The following DYNC2H1 variants were observed in gnomAD, a reference collection of about 807,000 sequenced individuals.
The protein encoded by DYNC2H1 is dynein cytoplasmic 2 heavy chain 1.
In DYNC2H1, 410 loss-of-function variants were observed where a neutral mutation model predicts 570.0. That is an observed-to-expected ratio of 0.72 (90% confidence interval 0.66 to 0.78). The LOEUF is 0.78. Ranked by LOEUF, DYNC2H1 falls within the 30% of genes least tolerant of loss-of-function variation. The probability of loss-of-function intolerance (pLI) is 0.00; values close to 1 mark genes in which losing one functional copy is unlikely to be tolerated. For synonymous variants in DYNC2H1, 1,688 were observed against 1,677.6 expected (o/e 1.01, Z -0.15); for missense variants, 4,865 against 5,046.4 (o/e 0.96, Z 1.09).
rs1475928801 is a variant in DYNC2H1, at chr11:103,201,077, T to G, written c.8197+923T>G. Among the ~76,000 whole-genome samples the G allele has an allele frequency of 2.6e-5, 4 of 152,176 alleles. No individual in the cohort carries two copies. The highest frequency in any genetic ancestry group is 9.6e-5 in the African/African-American group (4 of 41,452). On this transcript the variant is annotated intron_variant, in intron 50 of 88. Transcript: ENST00000375735. The surrounding 1 kb of genome is among the most constrained non-coding windows in gnomAD (Gnocchi z 4.8). Reference sequence around the variant, plus strand: ...CCTGACTTCAGGTGATCCTCCCGCCTTGGCCTCCCAAAGTGCTGGGATTAC... The same window carrying G: ...CCTGACTTCAGGTGATCCTCCCGCCGTGGCCTCCCAAAGTGCTGGGATTAC...
intron 17 of DYNC2H1, among the ~76,000 whole-genome samples, chr11:103,142,988 C>G (rs1351752840): frequency 6.6e-6 from 1 of 152,110 alleles, no homozygotes; most frequent in Non-Finnish European, 1.5e-5. Context: ...AGAAATGATT[C>G]CACCTTTGAA....
chr11:103,184,641 G>C (rs1238693182), intron 40 of DYNC2H1, among the ~76,000 whole-genome samples: 1 of 151,842 alleles, frequency 6.6e-6, no homozygotes. Context: ...TCAGGTTTAG[G>C]AAGTAAATAA....
intron 82 of DYNC2H1, among the ~76,000 whole-genome samples, chr11:103,353,197 T>A (rs2566920): frequency 0.55 from 83,973 of 152,040 alleles, 24,950 homozygotes; most frequent in Admixed American, 0.66. Context: ...ATCTGGGCTT[T>A]ATACCTAGGT....
chr11:103,153,748 A>G (rs1860679970), intron 22 of DYNC2H1, among the ~76,000 whole-genome samples: 1 of 152,018 alleles, frequency 6.6e-6, no homozygotes, highest in Non-Finnish European at 1.5e-5. Flanking sequence ...CCTAGAAGTT[A>G]TATCAGGGTT....
intron 84 of DYNC2H1, among the ~76,000 whole-genome samples, chr11:103,412,594 C>T (rs1218224265): frequency 6.6e-6 from 1 of 152,102 alleles, no homozygotes; most frequent in Non-Finnish European, 1.5e-5. Context: ...TTATACATTT[C>T]TGTGTATTCT....
chr11:103,197,989 G>A lies in DYNC2H1; in HGVS notation c.7765G>A (p.Gly2589Arg). 2 of 1,565,368 alleles carry A rather than the reference G, an allele frequency of 1.3e-6. No homozygotes were observed. The highest frequency in any genetic ancestry group is 8.7e-7 in the Non-Finnish European group (1 of 1,154,122). ...RHNSGARAAP[G>R]QPLPPHGKPL... is the part of the protein sequence containing the mutation. ...TAATTCAGGAGCAAGGGCAGCCCCA[G>A]GACAACCATTACCTCCACATGGAAA... The change falls in exon 48 of 89, where the codon GGA becomes AGA. Residue 2589 changes from glycine to arginine, a missense_variant. By Grantham distance (125) the Gly-to-Arg change is moderately radical. Around this residue, in one of 5 missense-constraint regions of DYNC2H1, gnomAD observed 2,401 missense variants for 2,454.6 expected, o/e 0.98. Transcript: ENST00000375735.
intron 76 of DYNC2H1, among the ~76,000 whole-genome samples, chr11:103,304,107 A>G (rs1867167715): frequency 6.6e-6 from 1 of 152,126 alleles, no homozygotes; most frequent in African/African-American, 2.4e-5. Context: ...AAGTGAATAC[A>G]TCTTTTTCAC....
intron 17 of DYNC2H1, among the ~76,000 whole-genome samples, chr11:103,139,890 T>C (rs1156675205): frequency 6.6e-6 from 1 of 152,236 alleles, no homozygotes; most frequent in Non-Finnish European, 1.5e-5. Context: ...TTTATGAATC[T>C]GGGTGCTCCT....
chr11:103,177,791 G>T lies in DYNC2H1; in HGVS notation c.6110G>T (p.Ser2037Ile), dbSNP rs567661327. The change falls in exon 38 of 89, where the codon AGT becomes ATT. Residue 2037 changes from serine (S) to isoleucine (I), a missense_variant. By Grantham distance (142) the Ser-to-Ile change is moderately radical (BLOSUM62 -2). Transcript: ENST00000375735. The surrounding 1 kb of genome is among the most constrained non-coding windows in gnomAD (Gnocchi z 4.4). ...TGGTCTGATGGTGTTTTGACAAATA[G>T]TGCTCGTCAAGTGGTTCGGGAACCT... ...REWSDGVLTN[S>I]ARQVVREPQD... The T allele has an allele frequency of 6.2e-7, 1 of 1,612,246 alleles. No individual in the cohort carries two copies. The highest frequency in any genetic ancestry group is 8.5e-7 in the Non-Finnish European group (1 of 1,179,256).
intron 76 of DYNC2H1, 94 bp from the exon 77 acceptor site, chr11:103,304,501 G>C (rs1313803319): frequency 2.4e-5 from 33 of 1,353,528 alleles, no homozygotes; most frequent in Non-Finnish European, 3.2e-5. Context: ...AGTTAGGAAG[G>C]TTTAGGGATT....
At chr11:103,390,624 A>G (rs1942102239) in intron 83 of DYNC2H1, among the ~76,000 whole-genome samples, 1 of 152,202 alleles carries the variant, frequency 6.6e-6, no homozygotes, top group Admixed American at 6.5e-5. Flanking sequence ...ATGTTTTTGC[A>G]GTGGCTGGTA....
chr11:103,410,153 C>T (rs1943022407), intron 84 of DYNC2H1, among the ~76,000 whole-genome samples: 1 of 152,050 alleles, frequency 6.6e-6, no homozygotes, highest in Admixed American at 6.6e-5. Flanking sequence ...AACTTATCTC[C>T]TCTATACGTG....
Position 103,173,258 on chromosome 11 carries a change from C to T in DYNC2H1, c.5511C>T (p.Asp1837=), listed in dbSNP as rs201953670. The change falls in exon 35 of 89, where the codon GAC becomes GAT. Residue 1837 remains aspartate, a synonymous_variant. Transcript: ENST00000375735. Reference sequence around the variant, plus strand: ...TTCTCTATTCGGAAGGCTTTAAAGACGCTAAAGTATTGAGCAGAAAATTGG... The same window carrying T: ...TTCTCTATTCGGAAGGCTTTAAAGATGCTAAAGTATTGAGCAGAAAATTGG... ...EVILYSEGFK[D]AKVLSRKLVA... 5.7e-4 allele frequency: 916 copies of T among 1,593,782 alleles called. No individual in the cohort carries two copies. The highest frequency in any genetic ancestry group is 7.3e-4 in the Non-Finnish European group (852 of 1,170,744).
At chr11:103,304,798 T>C in intron 77 of DYNC2H1, 78 bp downstream of exon 77, 1 of 1,337,222 alleles carries the variant, frequency 7.5e-7, no homozygotes, top group Non-Finnish European at 9.9e-7. Flanking sequence ...TATTAAAATG[T>C]CATGCATTAT....
Position 103,231,337 on chromosome 11 carries a change from T to C in DYNC2H1, c.9431T>C (p.Leu3144Pro), listed in dbSNP as rs778301352. The change falls in exon 60 of 89, where the codon CTC becomes CCC. Residue 3144 changes from leucine to proline, a missense_variant. Coordinates refer to ENST00000375735, the MANE Select transcript of DYNC2H1 (RefSeq NM_001377.3). Reference sequence around the variant, plus strand: ...TCTGTTGGTCAAAAGGTATCAGAACTCAAAGAAAAGTAAGTTATATTTTGA... The same window carrying C: ...TCTGTTGGTCAAAAGGTATCAGAACCCAAAGAAAAGTAAGTTATATTTTGA... ...LNSVGQKVSELKEKFQSRTSE... is the reference protein window; with the variant it reads ...LNSVGQKVSEPKEKFQSRTSE... The C allele has an allele frequency of 1.2e-5, 20 of 1,600,126 alleles. No homozygotes were observed. The highest frequency in any genetic ancestry group is 1.6e-5 in the Non-Finnish European group (19 of 1,173,014).
intron 82 of DYNC2H1, among the ~76,000 whole-genome samples, chr11:103,344,586 C>G (rs960252718): frequency 6.6e-6 from 1 of 152,130 alleles, no homozygotes; most frequent in Non-Finnish European, 1.5e-5. Context: ...CTATTACTCC[C>G]TTCTGGTCTC....
chr11:103,218,055 GA>G (rs1196807022), intron 55 of DYNC2H1, among the ~76,000 whole-genome samples: 2 of 152,126 alleles, frequency 1.3e-5, no homozygotes, highest in African/African-American at 4.8e-5. Context: ...TAAAAAGACT[GA>G]AAACACCTCA....
At chr11:103,428,574 A>G (rs1261508670) in intron 84 of DYNC2H1, among the ~76,000 whole-genome samples, 1 of 152,164 alleles carries the variant, frequency 6.6e-6, no homozygotes, top group Non-Finnish European at 1.5e-5. Flanking sequence ...ATTGCTGTAC[A>G]GCTAATTTCC....
chr11:103,430,007 T>C (rs1943831074), intron 84 of DYNC2H1, among the ~76,000 whole-genome samples: 1 of 152,166 alleles, frequency 6.6e-6, no homozygotes, highest in Non-Finnish European at 1.5e-5. Flanking sequence ...TAAAATCCAA[T>C]GTTGGTTTAA....
Sources: allele counts gnomAD v4.1 joint callset (sites outside exome capture counted in the v4.1 genomes callset), GRCh38; gene constraint gnomAD v4.1.1; regional missense constraint gnomAD v4.1.1; non-coding constraint Gnocchi (gnomAD v3.1); transcripts MANE v1.5; gene names NCBI Gene and HGNC (gene_info 2026-07-23, HGNC 2026-07-21).